The following GRM7 variants were observed in gnomAD, a reference collection of about 807,000 sequenced individuals.
GRM7 encodes the protein metabotropic glutamate receptor 7.
In GRM7, 35 loss-of-function variants were observed where a neutral mutation model predicts 84.5. The observed-to-expected ratio is 0.41, with a 90% CI of 0.32 to 0.55. The LOEUF is 0.55. Among genes scored for constraint, GRM7 ranks in the 20% least tolerant of loss-of-function variants. GRM7 has a pLI of 0.19. For synonymous variants in GRM7, 487 were observed against 455.1 expected (o/e 1.07, Z -0.89); for missense variants, 1,003 against 1,194.6 (o/e 0.84, Z 2.36).
intron 7 of GRM7, among the ~76,000 whole-genome samples, chr3:7,545,777 TA>T (rs1314196715): frequency 2.0e-5 from 3 of 152,148 alleles, no homozygotes; most frequent in Admixed American, 6.5e-5. Flanking sequence ...GTGTGCTGAT[TA>T]TATGGGTGTG....
intron 8 of GRM7, among the ~76,000 whole-genome samples, chr3:7,640,622 G>A (rs1698323522): frequency 6.6e-6 from 1 of 152,192 alleles, no homozygotes; most frequent in Non-Finnish European, 1.5e-5. Flanking sequence ...TTGAGTTTGT[G>A]TGTAAAGAGA....
rs146048799 is a variant in GRM7, at chr3:7,238,804, C to G, written c.737-59880C>G. Among the ~76,000 whole-genome samples, 43 of 147,416 alleles carry G rather than the reference C, an allele frequency of 2.9e-4. 1 individual carries two copies. The East Asian group carries it at 8.2e-3, about 28-fold the overall frequency. Reference sequence around the variant, plus strand: ...TTTCTTTCCTCTCTTCTCCTCTCCTCTCCTCTCCTTTTCCCTCCTCTCCTC... The same window carrying G: ...TTTCTTTCCTCTCTTCTCCTCTCCTGTCCTCTCCTTTTCCCTCCTCTCCTC... On this transcript the variant is annotated intron_variant, in intron 2 of 9. Transcript: ENST00000357716.
At chr3:6,905,087 T>C (rs1696521884) in intron 1 of GRM7, among the ~76,000 whole-genome samples, 2 of 152,178 alleles carry the variant, frequency 1.3e-5, no homozygotes, top group Non-Finnish European at 2.9e-5. Context: ...ACTGCCTTAG[T>C]TGTCTGGAGA....
chr3:7,356,489 A>G (rs1490085570), intron 4 of GRM7, among the ~76,000 whole-genome samples: 1 of 151,882 alleles, frequency 6.6e-6, no homozygotes, highest in East Asian at 1.9e-4. Flanking sequence ...TTTAGTACAG[A>G]TGAGGTTTCA....
chr3:6,937,352 A>G (rs983326424), intron 1 of GRM7, among the ~76,000 whole-genome samples: 1 of 152,212 alleles, frequency 6.6e-6, no homozygotes, highest in African/African-American at 2.4e-5. Flanking sequence ...AAAGAAAACA[A>G]ATTGTTAACC....
At chr3:6,947,166 T>G (rs1483929956) in intron 1 of GRM7, among the ~76,000 whole-genome samples, 4 of 152,186 alleles carry the variant, frequency 2.6e-5, no homozygotes, top group Non-Finnish European at 5.9e-5. Context: ...TTTTGTCCAT[T>G]CAGTATGATA....
chr3:7,695,964 G>A (rs1381318544), intron 9 of GRM7, among the ~76,000 whole-genome samples: 1 of 152,154 alleles, frequency 6.6e-6, no homozygotes, highest in Non-Finnish European at 1.5e-5. Context: ...AGTTGCACTA[G>A]TTAGATTTCA....
At chr3:7,452,917 T>G (rs1697835782) in intron 6 of GRM7, 110 bp downstream of exon 6, 2 of 690,082 alleles carry the variant, frequency 2.9e-6, no homozygotes, top group East Asian at 5.4e-5. Flanking sequence ...AAAACTTGCT[T>G]GATTATAAAA....
intron 1 of GRM7, among the ~76,000 whole-genome samples, chr3:6,966,483 C>T (rs752088307): frequency 6.6e-6 from 1 of 152,164 alleles, no homozygotes; most frequent in African/African-American, 2.4e-5. Flanking sequence ...AATACATATT[C>T]TTAGAGAGCA....
chr3:7,041,394 A>G (rs540556772), intron 1 of GRM7, among the ~76,000 whole-genome samples: 252 of 152,354 alleles, frequency 1.7e-3, no homozygotes, highest in African/African-American at 5.8e-3. Flanking sequence ...CATAACATGT[A>G]CTTTCAAAAA....
chr3:7,680,927 A>C (rs972226029), intron 9 of GRM7: 1 of 152,594 alleles, frequency 6.6e-6, no homozygotes, highest in African/African-American at 2.4e-5. Context: ...CAAGGAAAAA[A>C]AACATTGGAT....
intron 2 of GRM7, among the ~76,000 whole-genome samples, chr3:7,226,095 G>C (rs911611023): frequency 1.3e-5 from 2 of 152,078 alleles, no homozygotes; most frequent in African/African-American, 4.8e-5. Flanking sequence ...CTCTCTGATA[G>C]GTGCTGAGTC....
chr3:7,104,896 A>C (rs796299260), intron 1 of GRM7, among the ~76,000 whole-genome samples: 21 of 151,976 alleles, frequency 1.4e-4, no homozygotes, highest in African/African-American at 4.6e-4. Context: ...CAGAATGTTA[A>C]TCAATATAAT....
At chr3:7,224,431 A>G (rs1488038578) in intron 2 of GRM7, among the ~76,000 whole-genome samples, 2 of 152,184 alleles carry the variant, frequency 1.3e-5, no homozygotes, top group Non-Finnish European at 2.9e-5. Context: ...CACTTCCAAC[A>G]TTGGGGATTA....
At chr3:7,609,968 T>TTGCTGCTGGTTCTTGGTTGACGTGG (rs1696770669) in intron 8 of GRM7, among the ~76,000 whole-genome samples, 1 of 152,118 alleles carries the variant, frequency 6.6e-6, no homozygotes, top group Non-Finnish European at 1.5e-5. Context: ...TCCCAAGGTT[T>TTGCTGCTGGTTCTTGGTTGACGTGG]TGCTGCTGGT....
At chr3:7,119,253 G>C (rs1382449038) in intron 1 of GRM7, among the ~76,000 whole-genome samples, 3 of 151,978 alleles carry the variant, frequency 2.0e-5, no homozygotes, top group Admixed American at 6.6e-5. Flanking sequence ...ATTTTTATGA[G>C]ATGGGTTTTT....
chr3:7,146,758 A>G lies in GRM7; in HGVS notation c.736+90A>G. On this transcript the variant is annotated intron_variant, in intron 2 of 9. Transcript: ENST00000357716. ...TCAAACTTCATTAAATAAACACTAC[A>G]GACTCTTACATTCCCAGAGTCCTGT... 3 of 829,352 alleles carry G rather than the reference A, an allele frequency of 3.6e-6. No homozygotes were observed. In the South Asian group the frequency reaches 4.5e-5, roughly 13 times the overall value. The allele number at this position is 829,352 out of a possible 1,614,324, so 51.4% of individuals were successfully genotyped here.
rs186611988 is a variant in GRM7, at chr3:7,062,791, G to A, written c.520-83661G>A. On this transcript the variant is annotated intron_variant, in intron 1 of 9. Coordinates refer to ENST00000357716, the MANE Select transcript of GRM7 (RefSeq NM_000844.4). Reference sequence around the variant, plus strand: ...CATCAACACACTTAAAAATTTGGGCGATTCTGGCCAAATATAGTGCACAAG... The same window carrying A: ...CATCAACACACTTAAAAATTTGGGCAATTCTGGCCAAATATAGTGCACAAG... 3.6e-4 allele frequency among the ~76,000 whole-genome samples: 54 copies of A among 151,828 alleles called. 1 individual carries two copies. The East Asian group carries it at 8.8e-3, about 25-fold the overall frequency.
chr3:7,467,694 CT>C (rs1698518919), intron 7 of GRM7, among the ~76,000 whole-genome samples: 1 of 152,078 alleles, frequency 6.6e-6, no homozygotes, highest in Non-Finnish European at 1.5e-5. Context: ...CTAGGAAATC[CT>C]TACCACAAGC....
Sources: gnomAD v4.1 joint callset for allele counts (sites outside exome capture counted in the v4.1 genomes callset) on GRCh38, gnomAD v4.1.1 for gene constraint, MANE v1.5 for transcripts, NCBI Gene and HGNC (gene_info 2026-07-23, HGNC 2026-07-21) for gene names.